The following GRM7 variants were observed in gnomAD, a reference collection of about 807,000 sequenced individuals.
GRM7 encodes the protein metabotropic glutamate receptor 7.
Under a neutral mutation model 84.5 loss-of-function variants are expected in GRM7, and 35 were observed. The observed-to-expected ratio is 0.41, with a 90% CI of 0.32 to 0.55. The LOEUF is 0.55. GRM7 is among the 20% of genes least tolerant of loss of function. The pLI is 0.19. For synonymous variants in GRM7, 487 were observed against 455.1 expected (o/e 1.07, Z -0.89); for missense variants, 1,003 against 1,194.6 (o/e 0.84, Z 2.36).
chr3:7,005,426 T>C (rs1409495113), intron 1 of GRM7, among the ~76,000 whole-genome samples: 2 of 152,244 alleles, frequency 1.3e-5, no homozygotes, highest in East Asian at 3.9e-4. Flanking sequence ...AATTTTAACC[T>C]ATAATCCTGG....
intron 1 of GRM7, among the ~76,000 whole-genome samples, chr3:6,920,114 A>G (rs190516036): frequency 8.4e-4 from 128 of 152,358 alleles, no homozygotes; most frequent in Middle Eastern, 6.8e-3. Flanking sequence ...GTAAAGTATG[A>G]TTTAAATGTA....
At chr3:7,347,849 T>G (rs1692960477) in intron 4 of GRM7, among the ~76,000 whole-genome samples, 1 of 152,194 alleles carries the variant, frequency 6.6e-6, no homozygotes, top group South Asian at 2.1e-4. Flanking sequence ...TTTTTGACAT[T>G]GTCCCTTGGA....
intron 1 of GRM7, among the ~76,000 whole-genome samples, chr3:7,076,549 C>T (rs903103314): frequency 2.0e-5 from 3 of 152,140 alleles, no homozygotes; most frequent in African/African-American, 7.2e-5. Flanking sequence ...GGCCTCCTAG[C>T]TATGCAGAAC....
intron 1 of GRM7, among the ~76,000 whole-genome samples, chr3:6,870,712 G>A (rs992630231): frequency 1.3e-5 from 2 of 152,106 alleles, no homozygotes; most frequent in Admixed American, 6.6e-5. Context: ...GAAGGGATAC[G>A]TTTTGAAGGT....
chr3:7,669,461 A>C (rs779830102), intron 8 of GRM7, among the ~76,000 whole-genome samples: 2 of 152,230 alleles, frequency 1.3e-5, no homozygotes, highest in Admixed American at 6.5e-5. Context: ...AGGACCCCAC[A>C]GAGTTCTTTG....
At position 7,182,915 on chromosome 3, in the gene GRM7, T is replaced by C. The variant is rs879788189; in HGVS notation, c.736+36247T>C. The stretch of plus-strand genomic sequence containing the variant: ...GAAAGTGTTTTTTTTTTTTTTTTTT[T>C]CAATGAAAAAGACAGTGGACTGGAA... On this transcript the variant is annotated intron_variant, in intron 2 of 9. Coordinates refer to ENST00000357716, the MANE Select transcript of GRM7 (RefSeq NM_000844.4). Among the ~76,000 whole-genome samples the C allele has an allele frequency of 1.4e-3, 201 of 146,920 alleles. 2 individuals carry two copies. Among genetic ancestry groups the C allele is most frequent in the African/African-American group, 4.9e-3 (184 of 37,478 alleles).
intron 2 of GRM7, among the ~76,000 whole-genome samples, chr3:7,273,881 G>A (rs188242777): frequency 6.6e-6 from 1 of 151,874 alleles, no homozygotes; most frequent in East Asian, 1.9e-4. Context: ...TTATATAGTT[G>A]GAGTAATAGC....
chr3:7,619,901 T>C (rs534320830), intron 8 of GRM7, among the ~76,000 whole-genome samples: 2 of 152,298 alleles, frequency 1.3e-5, no homozygotes, highest in African/African-American at 4.8e-5. Flanking sequence ...GAGAGAGCTC[T>C]TGGCAAAATA....
chr3:7,579,503 AG>A, intron 8 of GRM7, 146 bp downstream of exon 8: 1 of 579,282 alleles, frequency 1.7e-6, no homozygotes, highest in South Asian at 2.7e-5. Flanking sequence ...AAGGTCTAGT[AG>A]GCTTCAATGC....
intron 1 of GRM7, among the ~76,000 whole-genome samples, chr3:6,937,358 T>G (rs1344727878): frequency 6.6e-6 from 1 of 152,216 alleles, no homozygotes; most frequent in Non-Finnish European, 1.5e-5. Flanking sequence ...AACAAATTGT[T>G]AACCTCAGCA....
intron 4 of GRM7, among the ~76,000 whole-genome samples, chr3:7,412,525 T>C (rs919027229): frequency 1.4e-4 from 22 of 152,160 alleles, no homozygotes; most frequent in African/African-American, 5.3e-4. Context: ...TTTTGCAGTC[T>C]CTTGTCTCAG....
chr3:7,400,832 G>A (rs1448406208), intron 4 of GRM7, among the ~76,000 whole-genome samples: 2 of 152,082 alleles, frequency 1.3e-5, no homozygotes, highest in African/African-American at 2.4e-5. Context: ...GAGCCTTTGG[G>A]CAAATTACTT....
chr3:7,673,182 T>G (rs367562697), intron 8 of GRM7, among the ~76,000 whole-genome samples: 10 of 152,282 alleles, frequency 6.6e-5, no homozygotes, highest in African/African-American at 2.4e-4. Context: ...ATTACTGTCA[T>G]CCTCGCTCCA....
chr3:7,428,793 C>A (rs1005347874), intron 5 of GRM7, among the ~76,000 whole-genome samples: 4 of 152,092 alleles, frequency 2.6e-5, no homozygotes, highest in Non-Finnish European at 5.9e-5. Flanking sequence ...AATTCAGGTA[C>A]CTTTAAACTG....
intron 7 of GRM7, among the ~76,000 whole-genome samples, chr3:7,558,547 G>T (rs1693873640): frequency 1.3e-5 from 2 of 151,912 alleles, no homozygotes; most frequent in Admixed American, 6.6e-5. Flanking sequence ...AAATAATAAT[G>T]GTTCATTATT....
At chr3:7,278,420 C>T (rs979691403) in intron 2 of GRM7, among the ~76,000 whole-genome samples, 2 of 151,980 alleles carry the variant, frequency 1.3e-5, no homozygotes, top group African/African-American at 4.8e-5. Context: ...AATAACTGTG[C>T]AGTATGCCCA....
intron 1 of GRM7, among the ~76,000 whole-genome samples, chr3:7,031,009 T>A (rs994966042): frequency 1.3e-5 from 2 of 152,204 alleles, no homozygotes; most frequent in Non-Finnish European, 2.9e-5. Flanking sequence ...TGAAAAAATA[T>A]GTTTGTAGCA....
intron 7 of GRM7, among the ~76,000 whole-genome samples, chr3:7,495,361 C>T (rs1699664100): frequency 6.6e-6 from 1 of 152,086 alleles, no homozygotes; most frequent in South Asian, 2.1e-4. Context: ...AGAAATACAA[C>T]AGTCATGGGC....
At chr3:6,961,672 C>T (rs146076411) in intron 1 of GRM7, among the ~76,000 whole-genome samples, 10 of 152,260 alleles carry the variant, frequency 6.6e-5, no homozygotes, top group Non-Finnish European at 1.0e-4. Flanking sequence ...CAAAAGAAAA[C>T]GCCTTACCTT....
Sources: gnomAD v4.1 joint callset for allele counts (sites outside exome capture counted in the v4.1 genomes callset) on GRCh38, gnomAD v4.1.1 for gene constraint, MANE v1.5 for transcripts, NCBI Gene and HGNC (gene_info 2026-07-23, HGNC 2026-07-21) for gene names.